PPARGC1A: variants seen among roughly 807,000 people sequenced by gnomAD.
PPARGC1A encodes the protein PPARG coactivator 1 alpha, also known as peroxisome proliferator-activated receptor gamma coactivator 1-alpha.
In PPARGC1A, 25 loss-of-function variants were observed where a neutral mutation model predicts 88.7. The ratio of observed to expected loss-of-function variants is 0.28; its 90% CI spans 0.21 to 0.39. PPARGC1A has a LOEUF of 0.39. Ranked by LOEUF, PPARGC1A falls within the 10% of genes least tolerant of loss-of-function variation. PPARGC1A has a pLI of 1.00. For missense variants in PPARGC1A, 880 were observed against 968.7 expected, an observed-to-expected ratio of 0.91 and a Z score of 1.22; for synonymous variants, 363 against 355.6, an observed-to-expected ratio of 1.02 and a Z score of -0.24.
the PPARGC1A span, among the ~76,000 whole-genome samples, chr4:23,943,688 A>C: frequency 0.031 from 4,681 of 152,254 alleles, 248 homozygotes; most frequent in African/African-American, 0.11. Context: ...GTACCTTATG[A>C]AATGGGGGAT....
At chr4:24,091,722 C>T in the PPARGC1A span, 1 of 818,648 alleles carries the variant, frequency 1.2e-6, no homozygotes, top group Non-Finnish European at 1.5e-6. Flanking sequence ...CATGGGGCTA[C>T]CCAGACAGAT....
the PPARGC1A span, among the ~76,000 whole-genome samples, chr4:23,994,128 T>G: frequency 3.9e-5 from 6 of 152,192 alleles, no homozygotes; most frequent in Non-Finnish European, 8.8e-5. Context: ...CCCGGTCACC[T>G]CATGTCCAAG....
chr4:23,941,729 G>C, the PPARGC1A span, among the ~76,000 whole-genome samples: 1 of 152,080 alleles, frequency 6.6e-6, no homozygotes, highest in Non-Finnish European at 1.5e-5. Flanking sequence ...GTCACCACCA[G>C]GTGGGCTTCA....
At chr4:24,381,058 A>C in the PPARGC1A span, among the ~76,000 whole-genome samples, 1 of 152,024 alleles carries the variant, frequency 6.6e-6, no homozygotes, top group African/African-American at 2.4e-5. Context: ...GACAATTGGG[A>C]GACATCAACA....
chr4:24,275,144 A>G, the PPARGC1A span, among the ~76,000 whole-genome samples: 1 of 152,374 alleles, frequency 6.6e-6, no homozygotes, highest in African/African-American at 2.4e-5. Flanking sequence ...CAATATCAGC[A>G]CCAACAAATC....
the PPARGC1A span, among the ~76,000 whole-genome samples, chr4:24,205,808 T>C: frequency 6.6e-6 from 1 of 152,210 alleles, no homozygotes; most frequent in African/African-American, 2.4e-5. Context: ...CAGGTTCATA[T>C]TGGAATGTCT....
At chr4:23,888,628 A>G (rs1485578426) in intron 1 of PPARGC1A, among the ~76,000 whole-genome samples, 2 of 152,174 alleles carry the variant, frequency 1.3e-5, no homozygotes, top group African/African-American at 4.8e-5. Context: ...CAATCCACAA[A>G]TACGATCTAC....
At chr4:23,962,298 T>C in the PPARGC1A span, among the ~76,000 whole-genome samples, 1 of 152,082 alleles carries the variant, frequency 6.6e-6, no homozygotes, top group Non-Finnish European at 1.5e-5. Context: ...AAACTTAGGA[T>C]AGTTACCTAA....
chr4:24,298,416 G>A, the PPARGC1A span, among the ~76,000 whole-genome samples: 2 of 151,696 alleles, frequency 1.3e-5, no homozygotes, highest in Admixed American at 1.3e-4. Context: ...TCATTAAGCT[G>A]TTGTGGAGAT....
chr4:24,116,966 A>G, the PPARGC1A span, among the ~76,000 whole-genome samples: 1 of 152,144 alleles, frequency 6.6e-6, no homozygotes, highest in Non-Finnish European at 1.5e-5. Flanking sequence ...TCTCTTGACC[A>G]TCACAAAGTT....
the PPARGC1A span, among the ~76,000 whole-genome samples, chr4:24,412,983 A>G: frequency 6.6e-6 from 1 of 152,216 alleles, no homozygotes; most frequent in East Asian, 1.9e-4. Flanking sequence ...CATCCTCTCA[A>G]TGAAGAAAAT....
the PPARGC1A span, among the ~76,000 whole-genome samples, chr4:24,158,731 G>A: frequency 2.0e-5 from 3 of 152,124 alleles, no homozygotes; most frequent in South Asian, 6.2e-4. Context: ...TTGATTTTGA[G>A]GGTCATGAAT....
chr4:24,019,444 C>T, the PPARGC1A span, among the ~76,000 whole-genome samples: 2 of 152,132 alleles, frequency 1.3e-5, no homozygotes, highest in African/African-American at 4.8e-5. Flanking sequence ...TCTAGATCTC[C>T]AAGACCTGGC....
In PPARGC1A at chr4:23,871,687, C is replaced by A. The variant is rs1024497966; in HGVS notation, c.234+13065G>T. On this transcript the variant is annotated intron_variant, in intron 2 of 12. Transcript: ENST00000264867. Reference sequence around the variant, plus strand: ...ACCCAGGAGAACTATGTCTGGAATACAGAAGCTCTAACTTCACATCTGAGC... The same window carrying A: ...ACCCAGGAGAACTATGTCTGGAATAAAGAAGCTCTAACTTCACATCTGAGC... Among the ~76,000 whole-genome samples the A allele has an allele frequency of 5.3e-5, 8 of 152,126 alleles. No homozygotes were observed. In the East Asian group the frequency reaches 1.5e-3, roughly 29 times the overall value.
the PPARGC1A span, among the ~76,000 whole-genome samples, chr4:24,348,218 CT>C: frequency 6.6e-6 from 1 of 152,236 alleles, no homozygotes. Context: ...CCTGGTGCTT[CT>C]GTCTCACAGC....
chr4:23,803,407 T>G (rs1435403995), intron 10 of PPARGC1A, among the ~76,000 whole-genome samples: 1 of 152,086 alleles, frequency 6.6e-6, no homozygotes, highest in Non-Finnish European at 1.5e-5. Flanking sequence ...ATAAATCTAG[T>G]CTTATTTTAG....
At chr4:24,289,118 G>T in the PPARGC1A span, among the ~76,000 whole-genome samples, 1 of 151,374 alleles carries the variant, frequency 6.6e-6, no homozygotes, top group African/African-American at 2.4e-5. Context: ...TACTTGGGAG[G>T]CTGAGGCAGA....
chr4:24,246,631 T>C, the PPARGC1A span, among the ~76,000 whole-genome samples: 1 of 152,142 alleles, frequency 6.6e-6, no homozygotes, highest in East Asian at 1.9e-4. Flanking sequence ...AATTAATGAA[T>C]TTAATTAAAT....
the PPARGC1A span, among the ~76,000 whole-genome samples, chr4:24,260,149 G>C: frequency 1.3e-5 from 2 of 152,190 alleles, no homozygotes; most frequent in Non-Finnish European, 2.9e-5. Context: ...CACTTACTAA[G>C]TATAAGCTTC....
Sources: gnomAD v4.1 joint callset for allele counts (sites outside exome capture counted in the v4.1 genomes callset) on GRCh38, gnomAD v4.1.1 for gene constraint, MANE v1.5 for transcripts, NCBI Gene and HGNC (gene_info 2026-07-23, HGNC 2026-07-21) for gene names.